PTPRG: variants seen among roughly 807,000 people sequenced by gnomAD.
The protein encoded by PTPRG is protein tyrosine phosphatase receptor type G.
In PTPRG, 102 loss-of-function variants were observed where a neutral mutation model predicts 165.3. That is an observed-to-expected ratio of 0.62 (90% CI 0.53 to 0.73). The LOEUF is 0.73. PTPRG is among the 30% of genes least tolerant of loss of function. The pLI is 0.00. For synonymous variants in PTPRG, 675 were observed against 669.5 expected (o/e 1.01, Z -0.13); for missense variants, 1,866 against 1,861.4 (o/e 1.00, Z -0.05).
chr3:61,632,457 C>A (rs747513412), intron 1 of PTPRG, among the ~76,000 whole-genome samples: 4 of 152,162 alleles, frequency 2.6e-5, no homozygotes, highest in Non-Finnish European at 5.9e-5. Flanking sequence ...AGAAAGAAAT[C>A]ACTTCTGTTC....
intron 2 of PTPRG, among the ~76,000 whole-genome samples, chr3:61,797,262 C>A (rs956381140): frequency 6.6e-6 from 1 of 152,284 alleles, no homozygotes; most frequent in South Asian, 2.1e-4. Context: ...ATTTTAATAT[C>A]TCTGAAATCG....
rs571517600 is a variant in PTPRG, at chr3:62,222,122, A to G, written c.2288+3139A>G. 6.6e-6 allele frequency among the ~76,000 whole-genome samples: 1 copy of G among 152,362 alleles called. No homozygotes were observed. Among genetic ancestry groups the G allele is most frequent in the East Asian group, 1.9e-4 (1 of 5,188 alleles). The stretch of plus-strand genomic sequence containing the variant: ...TATGGGCCAAATAGTTGGCAATATC[A>G]TCACCAGAACCCTTTTGTTGTTCAG... On this transcript the variant is annotated intron_variant, in intron 13 of 29. Transcript: ENST00000474889. This position sits in a 1 kb window ranked among gnomAD's most constrained non-coding sequence, Gnocchi z 4.5.
intron 2 of PTPRG, among the ~76,000 whole-genome samples, chr3:61,908,959 T>C (rs1485572551): frequency 6.6e-6 from 1 of 152,204 alleles, no homozygotes; most frequent in East Asian, 1.9e-4. Context: ...TTTCACTGAC[T>C]TGCCCTTTCA....
At chr3:61,906,813 AG>A (rs1259597355) in intron 2 of PTPRG, among the ~76,000 whole-genome samples, 1 of 136,718 alleles carries the variant, frequency 7.3e-6, no homozygotes, top group East Asian at 2.0e-4. Context: ...GTAGGTAGGT[AG>A]GTAGGTAGGT....
chr3:62,107,110 A>G (rs918780504), intron 5 of PTPRG, among the ~76,000 whole-genome samples: 2 of 152,204 alleles, frequency 1.3e-5, no homozygotes, highest in African/African-American at 4.8e-5. Context: ...AGTTATAGAA[A>G]TAGAAACGAC....
At chr3:61,792,243 C>T (rs1200281161) in intron 2 of PTPRG, among the ~76,000 whole-genome samples, 3 of 152,026 alleles carry the variant, frequency 2.0e-5, no homozygotes, top group African/African-American at 7.3e-5. Context: ...ATTCTGTCAC[C>T]CAGGCTGAGT....
intron 2 of PTPRG, 111 bp downstream of exon 2, chr3:61,749,093 CT>C (rs758858914): frequency 1.1e-4 from 97 of 900,258 alleles, no homozygotes; most frequent in Middle Eastern, 2.1e-4. Flanking sequence ...TTGCTCAAAT[CT>C]TTCGTAGTTC....
chr3:61,657,581 C>T (rs1363530712), intron 1 of PTPRG, among the ~76,000 whole-genome samples: 2 of 152,162 alleles, frequency 1.3e-5, no homozygotes, highest in Admixed American at 1.3e-4. Flanking sequence ...GTTCTCAACT[C>T]TGGCACATGC....
intron 4 of PTPRG, among the ~76,000 whole-genome samples, chr3:62,052,762 G>T (rs150091673): frequency 6.6e-6 from 1 of 152,092 alleles, no homozygotes; most frequent in Non-Finnish European, 1.5e-5. Context: ...GGTACATTTG[G>T]TTAGCCTTTC....
At chr3:61,714,473 G>C (rs897670862) in intron 1 of PTPRG, among the ~76,000 whole-genome samples, 17 of 152,142 alleles carry the variant, frequency 1.1e-4, no homozygotes, top group Non-Finnish European at 2.2e-4. Context: ...CACGAGATTG[G>C]TACTATGTGC....
chr3:62,248,468 A>C (rs1701340181), intron 15 of PTPRG, among the ~76,000 whole-genome samples: 1 of 152,192 alleles, frequency 6.6e-6, no homozygotes, highest in Admixed American at 6.5e-5. Context: ...TCCATCTTCT[A>C]AAATACTGAA....
chr3:62,104,901 G>A (rs1702419361), intron 5 of PTPRG, among the ~76,000 whole-genome samples: 1 of 152,184 alleles, frequency 6.6e-6, no homozygotes, highest in African/African-American at 2.4e-5. Flanking sequence ...ATTGAAAAAA[G>A]CCTAGAAGTG....
intron 4 of PTPRG, among the ~76,000 whole-genome samples, chr3:62,055,962 G>A (rs1700619013): frequency 6.6e-6 from 1 of 152,164 alleles, no homozygotes; most frequent in African/African-American, 2.4e-5. Context: ...AAATCTTTTG[G>A]GAAGATATAA....
chr3:62,194,107 A>G (rs1166606167), intron 9 of PTPRG, among the ~76,000 whole-genome samples: 3 of 152,200 alleles, frequency 2.0e-5, no homozygotes, highest in Non-Finnish European at 4.4e-5. Flanking sequence ...CAGGTCATGG[A>G]ATCTCTGGCA....
chr3:61,775,991 T>C lies in PTPRG; in HGVS notation c.190+27009T>C, dbSNP rs550825257. ...TAACTAATGCTAAATGACGAGTTAA[T>C]GGGTGCAGCACACCAACATGGCACA... On this transcript the variant is annotated intron_variant, in intron 2 of 29. Transcript: ENST00000474889. Among the ~76,000 whole-genome samples, 7 of 151,648 alleles carry C rather than the reference T, an allele frequency of 4.6e-5. No individual in the cohort carries two copies. The East Asian group carries it at 1.2e-3, about 25-fold the overall frequency.
intron 17 of PTPRG, among the ~76,000 whole-genome samples, chr3:62,264,348 G>A (rs1370076830): frequency 2.0e-5 from 3 of 151,938 alleles, no homozygotes; most frequent in Non-Finnish European, 4.4e-5. Context: ...ATACAACTCT[G>A]GGGTTTTAGT....
intron 2 of PTPRG, among the ~76,000 whole-genome samples, chr3:61,843,517 A>C (rs1341128427): frequency 6.6e-6 from 1 of 152,160 alleles, no homozygotes; most frequent in Admixed American, 6.5e-5. Flanking sequence ...ATTCATTGAA[A>C]AGTTTTGGTG....
intron 6 of PTPRG, among the ~76,000 whole-genome samples, chr3:62,140,164 A>G (rs377494253): frequency 2.0e-5 from 3 of 152,326 alleles, no homozygotes. Flanking sequence ...TGCTGCCTGC[A>G]CTGTTCCCCT....
intron 1 of PTPRG, among the ~76,000 whole-genome samples, chr3:61,564,567 G>T (rs1386550095): frequency 1.3e-5 from 2 of 152,226 alleles, no homozygotes; most frequent in African/African-American, 2.4e-5. Flanking sequence ...AAGGACAGTG[G>T]TGGGAGGCGC....
Sources: allele counts gnomAD v4.1 joint callset (sites outside exome capture counted in the v4.1 genomes callset), GRCh38; gene constraint gnomAD v4.1.1; non-coding constraint Gnocchi (gnomAD v3.1); transcripts MANE v1.5; gene names NCBI Gene and HGNC (gene_info 2026-07-23, HGNC 2026-07-21).